The following ADNP variants were observed in gnomAD, a reference collection of about 807,000 sequenced individuals.
ADNP encodes the protein activity-dependent neuroprotector homeobox protein.
A neutral mutation model predicts 84.9 loss-of-function variants in ADNP; 4 were observed. That is an observed-to-expected ratio of 0.05 (90% confidence interval 0.02 to 0.11). The LOEUF (loss-of-function observed/expected upper bound fraction) is 0.11, where lower values mean the gene tolerates loss of function less well. Ranked by LOEUF, ADNP falls within the 10% of genes least tolerant of loss-of-function variation. The pLI, the probability that ADNP is intolerant of heterozygous loss-of-function variation, is 1.00. For missense variants in ADNP, 1,132 were observed against 1,326.0 expected (o/e 0.85, Z 2.27); for synonymous variants, 554 against 468.1 (o/e 1.18, Z -2.37).
chr20:50,892,829 A>C lies in ADNP; in HGVS notation c.1885T>G (p.Ser629Ala). 1 of 1,614,250 alleles carries C rather than the reference A, an allele frequency of 6.2e-7. No individual in the cohort carries two copies. The highest frequency in any genetic ancestry group is 2.2e-5 in the East Asian group (1 of 44,892). ...TCAGATATGGGTCCTTTTAGGATTG[A>C]AAAGCAAAGAGGACAAAGGGTTTTC... ...VGKTLCPLCF[S>A]ILKGPISDAL... The change falls in exon 6 of 6, where the codon TCA becomes GCA. Residue 629 changes from serine (S) to alanine (A), a missense_variant. Coordinates refer to ENST00000621696, the MANE Select transcript of ADNP (RefSeq NM_001282531.3).
In ADNP at chr20:50,891,054, T is replaced by C. The variant is rs1048550234; in HGVS notation, c.*351A>G. 19 of 1,069,336 alleles carry C rather than the reference T, an allele frequency of 1.8e-5. No individual in the cohort carries two copies. The highest frequency in any genetic ancestry group is 1.5e-4 in the African/African-American group (9 of 59,688). The allele number at this position is 1,069,336 out of a possible 1,614,324, so 66.2% of individuals were successfully genotyped here. ...CTTGTATGTTGGCCCTACACTACCA[T>C]GTGAATTAGTTTAACACTTCTCAAA... On this transcript the variant is annotated 3_prime_UTR_variant, in exon 6 of 6. Transcript: ENST00000621696.
intron 4 of ADNP, among the ~76,000 whole-genome samples, chr20:50,902,341 G>A (rs535171896): frequency 6.6e-6 from 1 of 152,194 alleles, no homozygotes; most frequent in East Asian, 1.9e-4. Context: ...GGTTTCCAAG[G>A]AAATTGCTGG....
chr20:50,909,715 C>T (rs756006426), intron 2 of ADNP: 3 of 152,190 alleles, frequency 2.0e-5, no homozygotes, highest in South Asian at 2.1e-4. Context: ...GCCTCTGCCA[C>T]GATTGATGGA....
rs767736492 is a variant in ADNP at position 50,893,148 on chromosome 20, A to G, written c.1566T>C (p.Asn522=). The change falls in exon 6 of 6, where the codon AAT becomes AAC. Residue 522 remains asparagine, a synonymous_variant. Coordinates refer to ENST00000621696, the MANE Select transcript of ADNP (RefSeq NM_001282531.3). This position sits in a 1 kb window ranked among gnomAD's most constrained non-coding sequence, Gnocchi z 4.4. The part of the protein sequence containing the change: ...LSCPYCRSTF[N]DVEKMAAHMR... Reference sequence around the variant, plus strand: ...TGTGTGCGGCCATCTTTTCCACATCATTGAAAGTTGAACGGCAATATGGAC... The same window carrying G: ...TGTGTGCGGCCATCTTTTCCACATCGTTGAAAGTTGAACGGCAATATGGAC... 1.9e-6 allele frequency: 3 copies of G among 1,614,284 alleles called. No individual in the cohort carries two copies. Among genetic ancestry groups the G allele is most frequent in the Non-Finnish European group, 2.5e-6 (3 of 1,180,054 alleles).
chr20:50,912,917 G>C (rs144243860), intron 2 of ADNP, among the ~76,000 whole-genome samples: 49 of 152,164 alleles, frequency 3.2e-4, no homozygotes, highest in African/African-American at 1.1e-3. Context: ...GAAGAGTGTG[G>C]AATCAAGGGC....
chr20:50,926,473 T>C (rs1249775850), intron 2 of ADNP, among the ~76,000 whole-genome samples: 3 of 152,250 alleles, frequency 2.0e-5, no homozygotes, highest in African/African-American at 7.2e-5. Flanking sequence ...TAAAAATCTT[T>C]ATTTCACTAA....
rs754857380 is a variant in ADNP, at chr20:50,893,510, G to A, written c.1204C>T (p.Leu402Phe). The A allele has an allele frequency of 1.9e-6, 3 of 1,613,686 alleles. No homozygotes were observed. Among genetic ancestry groups the A allele is most frequent in the East Asian group, 4.5e-5 (2 of 44,896 alleles). ...GGAGACTTTAACTGGCCCGATGAGA[G>A]AGAAGAGGCATTAGCAGACTGCAGG... ...YSLQSANASS[L>F]SSGQLKSPSL... The change falls in exon 6 of 6, where the codon CTC becomes TTC. Residue 402 changes from leucine to phenylalanine, a missense_variant. By Grantham distance (22) the Leu-to-Phe change is conservative. Transcript: ENST00000621696. The surrounding 1 kb of genome is among the most constrained non-coding windows in gnomAD (Gnocchi z 4.4).
At position 50,891,399 on chromosome 20, in the gene ADNP, T is replaced by C; in HGVS notation, c.*6A>G. 1 of 1,587,056 alleles carries C rather than the reference T, an allele frequency of 6.3e-7. No individual in the cohort carries two copies. Among genetic ancestry groups the C allele is most frequent in the African/African-American group, 1.3e-5 (1 of 74,210 alleles). ...AGCATGTCACCAACGCCAGGGAACC[T>C]GGCACTTAGGCCTGTTGGCTGCTCA... On this transcript the variant is annotated 3_prime_UTR_variant, in exon 6 of 6. Transcript: ENST00000621696.
chr20:50,895,685 G>A (rs1306430669), intron 5 of ADNP, among the ~76,000 whole-genome samples: 1 of 152,144 alleles, frequency 6.6e-6, no homozygotes, highest in African/African-American at 2.4e-5. Flanking sequence ...GGGGACTACA[G>A]GTGTGTGCCA....
chr20:50,906,175 G>A (rs934943269), intron 2 of ADNP, among the ~76,000 whole-genome samples: 2 of 152,210 alleles, frequency 1.3e-5, no homozygotes, highest in Admixed American at 6.5e-5. Context: ...TCGCACCACT[G>A]CACTCCAGCA....
In ADNP at chr20:50,891,478, T is replaced by C. The variant is rs147399432; in HGVS notation, c.3236A>G (p.Asn1079Ser). The C allele has an allele frequency of 4.4e-4, 708 of 1,612,714 alleles. No individual in the cohort carries two copies. The highest frequency in any genetic ancestry group is 5.8e-4 in the Non-Finnish European group (690 of 1,180,022). Residue 1079 changes from asparagine (N) to serine (S), a missense_variant, in exon 6 of 6, where the codon AAC becomes AGC. This residue lies in a region of ADNP where 381 missense variants were observed against 319.9 expected (regional missense o/e 1.19). Coordinates refer to ENST00000621696, the MANE Select transcript of ADNP (RefSeq NM_001282531.3). The part of the protein sequence containing the change: ...IDSEDGEQFD[N>S]MTDGVAEPMH... The stretch of plus-strand genomic sequence containing the variant: ...GGGCTCAGCTACTCCATCAGTCATG[T>C]TGTCAAACTGTTCCCCATCCTCACT...
intron 2 of ADNP, among the ~76,000 whole-genome samples, chr20:50,915,791 G>A (rs1168231862): frequency 1.8e-4 from 28 of 152,280 alleles, no homozygotes; most frequent in Admixed American, 5.2e-4. Flanking sequence ...AGGCTAAAAA[G>A]GGGGGTGAGG....
intron 2 of ADNP, among the ~76,000 whole-genome samples, chr20:50,928,220 G>T (rs564695195): frequency 2.6e-5 from 4 of 152,276 alleles, no homozygotes; most frequent in African/African-American, 9.6e-5. Context: ...TTATCTTGGT[G>T]TATTTATGTA....
In ADNP at chr20:50,927,332, A is replaced by G. The variant is rs1337212238; in HGVS notation, c.-90+1319T>C. On this transcript the variant is annotated intron_variant, in intron 2 of 5. Transcript: ENST00000621696. The stretch of plus-strand genomic sequence containing the variant: ...AATCTCCTATATTTTCTATACAGGA[A>G]CTATAAAAACCAAAATCAAAGAGGT... Among the ~76,000 whole-genome samples, 6 of 152,194 alleles carry G rather than the reference A, an allele frequency of 3.9e-5. No individual in the cohort carries two copies. The East Asian group carries it at 1.2e-3, about 29-fold the overall frequency.
chr20:50,922,611 ACT>A (rs1464950243), intron 2 of ADNP, among the ~76,000 whole-genome samples: 4 of 125,664 alleles, frequency 3.2e-5, no homozygotes, highest in African/African-American at 1.3e-4. Context: ...ACAGAATCTC[ACT>A]CTGTCCCCCA....
intron 2 of ADNP, among the ~76,000 whole-genome samples, chr20:50,919,370 T>A: frequency 6.6e-6 from 1 of 150,590 alleles, no homozygotes; most frequent in East Asian, 2.0e-4. Flanking sequence ...CTTGGGAGGC[T>A]GAGGTGGGAG....
At chr20:50,917,516 T>C (rs1387641857) in intron 2 of ADNP, among the ~76,000 whole-genome samples, 1 of 152,198 alleles carries the variant, frequency 6.6e-6, no homozygotes, top group Non-Finnish European at 1.5e-5. Context: ...GGCCAGCTTT[T>C]CAAAAAACAG....
intron 1 of ADNP, among the ~76,000 whole-genome samples, chr20:50,929,996 G>T (rs1424915067): frequency 6.6e-6 from 1 of 152,024 alleles, no homozygotes; most frequent in Non-Finnish European, 1.5e-5. Context: ...GGCAGAAGAG[G>T]AAGAGAAGCA....
At chr20:50,913,470 C>T (rs1600977276) in intron 2 of ADNP, among the ~76,000 whole-genome samples, 1 of 152,050 alleles carries the variant, frequency 6.6e-6, no homozygotes, top group East Asian at 1.9e-4. Context: ...ATAACCCCCA[C>T]TGGGGTTTAA....
Sources: allele counts gnomAD v4.1 joint callset (sites outside exome capture counted in the v4.1 genomes callset), GRCh38; gene constraint gnomAD v4.1.1; regional missense constraint gnomAD v4.1.1; non-coding constraint Gnocchi (gnomAD v3.1); transcripts MANE v1.5; gene names NCBI Gene and HGNC (gene_info 2026-07-23, HGNC 2026-07-21).